GRM3: variants seen among roughly 807,000 people sequenced by gnomAD.
GRM3 encodes the protein metabotropic glutamate receptor 3.
GRM3 carries 26 observed loss-of-function variants against 70.5 expected under a neutral mutation model. That is an observed-to-expected ratio of 0.37 (90% CI 0.27 to 0.51). The LOEUF (loss-of-function observed/expected upper bound fraction) is 0.51. Ranked by LOEUF, GRM3 falls within the 20% of genes least tolerant of loss-of-function variation. GRM3 has a pLI of 0.93. For missense variants in GRM3, 859 were observed against 1,123.8 expected (o/e 0.76, Z 3.37); for synonymous variants, 443 against 434.9 (o/e 1.02, Z -0.23).
chr7:86,843,608 T>G (rs534814952), intron 4 of GRM3, among the ~76,000 whole-genome samples: 1 of 152,324 alleles, frequency 6.6e-6, no homozygotes, highest in East Asian at 1.9e-4. Flanking sequence ...TCAGCCATGT[T>G]TGAGTGGAAA....
intron 3 of GRM3, among the ~76,000 whole-genome samples, chr7:86,823,442 T>G (rs115234118): frequency 5.7e-4 from 86 of 152,212 alleles, no homozygotes; most frequent in African/African-American, 2.0e-3. Context: ...ACTTGAAATT[T>G]GAATGCTGCC....
chr7:86,697,059 A>C (rs1562829282), intron 1 of GRM3, among the ~76,000 whole-genome samples: 2 of 152,164 alleles, frequency 1.3e-5, no homozygotes, highest in Non-Finnish European at 2.9e-5. Context: ...GAATGCTTTG[A>C]CTTATAGGTA....
At chr7:86,663,357 G>A (rs1046848846) in intron 1 of GRM3, among the ~76,000 whole-genome samples, 2 of 151,988 alleles carry the variant, frequency 1.3e-5, no homozygotes. Flanking sequence ...GAAAATTGAT[G>A]ATATCAGGCA....
intron 2 of GRM3, among the ~76,000 whole-genome samples, chr7:86,771,519 T>C (rs563690308): frequency 6.6e-6 from 1 of 152,190 alleles, no homozygotes; most frequent in East Asian, 1.9e-4. Flanking sequence ...TAAGCATGTA[T>C]ACAGTAGGCA....
chr7:86,854,786 T>C (rs1798816025), intron 5 of GRM3, among the ~76,000 whole-genome samples: 1 of 152,210 alleles, frequency 6.6e-6, no homozygotes, highest in Non-Finnish European at 1.5e-5. Context: ...CTTCATCCAC[T>C]GATATCAGTG....
At chr7:86,653,517 G>A (rs1212666391) in intron 1 of GRM3, among the ~76,000 whole-genome samples, 1 of 152,164 alleles carries the variant, frequency 6.6e-6, no homozygotes, top group East Asian at 1.9e-4. Flanking sequence ...TCTATAAGTT[G>A]TATGAATAGA....
intron 1 of GRM3, among the ~76,000 whole-genome samples, chr7:86,757,041 G>A (rs1006642405): frequency 6.6e-6 from 1 of 151,922 alleles, no homozygotes. Flanking sequence ...TATTTTTATA[G>A]TTTCCCTTCT....
intron 5 of GRM3, among the ~76,000 whole-genome samples, chr7:86,857,031 G>T (rs2115595759): frequency 6.6e-6 from 1 of 151,866 alleles, no homozygotes; most frequent in South Asian, 2.1e-4. Flanking sequence ...CTGCTATATT[G>T]TTCCTCTGGC....
chr7:86,677,467 T>C (rs904337729), intron 1 of GRM3, among the ~76,000 whole-genome samples: 5 of 152,038 alleles, frequency 3.3e-5, no homozygotes, highest in Non-Finnish European at 7.4e-5. Flanking sequence ...GTTGGCTTTC[T>C]GCTGAGGTCA....
At chr7:86,780,719 C>A (rs571207865) in intron 2 of GRM3, among the ~76,000 whole-genome samples, 2 of 152,098 alleles carry the variant, frequency 1.3e-5, no homozygotes, top group Non-Finnish European at 2.9e-5. Flanking sequence ...TCATTGCCCC[C>A]GTGGAAATTT....
intron 3 of GRM3, among the ~76,000 whole-genome samples, chr7:86,790,377 A>G (rs1159157792): frequency 2.0e-5 from 3 of 152,088 alleles, no homozygotes; most frequent in South Asian, 2.1e-4. Flanking sequence ...CATCTTCTCA[A>G]CTGCTACCAC....
At chr7:86,835,024 T>C (rs1168307990) in intron 3 of GRM3, among the ~76,000 whole-genome samples, 2 of 152,116 alleles carry the variant, frequency 1.3e-5, no homozygotes, top group Non-Finnish European at 1.5e-5. Flanking sequence ...ATGTTTCAAC[T>C]CCTGTGTTCA....
intron 1 of GRM3, among the ~76,000 whole-genome samples, chr7:86,706,523 G>A (rs1384572308): frequency 6.6e-6 from 1 of 152,000 alleles, no homozygotes. Flanking sequence ...AAGGCTTTGT[G>A]GTGGGCAGTA....
chr7:86,754,612 T>C (rs577727885), intron 1 of GRM3, among the ~76,000 whole-genome samples: 26 of 152,248 alleles, frequency 1.7e-4, no homozygotes, highest in Non-Finnish European at 3.2e-4. Context: ...AATAAAATAA[T>C]CTATGTAGAA....
At chr7:86,668,824 G>A (rs75508477) in intron 1 of GRM3, among the ~76,000 whole-genome samples, 4,942 of 152,138 alleles carry the variant, frequency 0.032, 262 homozygotes, top group African/African-American at 0.11. Flanking sequence ...ATCATCAGGT[G>A]GTGATTTTAG....
At chr7:86,851,507 G>A (rs1448878208) in intron 5 of GRM3, among the ~76,000 whole-genome samples, 2 of 152,130 alleles carry the variant, frequency 1.3e-5, no homozygotes, top group Non-Finnish European at 1.5e-5. Context: ...CATGAGAGGG[G>A]AAGGGAGGAC....
intron 3 of GRM3, among the ~76,000 whole-genome samples, chr7:86,798,609 C>G (rs1394584407): frequency 1.3e-5 from 2 of 152,192 alleles, no homozygotes; most frequent in African/African-American, 4.8e-5. Flanking sequence ...CTTGCCTTGT[C>G]TCAGATGAGA....
At position 86,715,870 on chromosome 7, in the gene GRM3, G is replaced by A. The variant is rs371670843; in HGVS notation, c.-140-49136G>A. ...CATTTAAACATAAAAGGCCTGGAAA[G>A]TAAGGGTGGGGTAGAGTATGACAAA... On this transcript the variant is annotated intron_variant, in intron 1 of 5. Transcript: ENST00000361669. 3.9e-5 allele frequency among the ~76,000 whole-genome samples: 6 copies of A among 152,006 alleles called. No homozygotes were observed. The East Asian group carries it at 7.7e-4, about 20-fold the overall frequency.
chr7:86,835,264 A>T (rs1384818496), intron 3 of GRM3, among the ~76,000 whole-genome samples: 3 of 152,132 alleles, frequency 2.0e-5, no homozygotes, highest in Non-Finnish European at 4.4e-5. Flanking sequence ...GGTGTACGAT[A>T]TTTTATTATT....
Sources: gnomAD v4.1 joint callset for allele counts (sites outside exome capture counted in the v4.1 genomes callset) on GRCh38, gnomAD v4.1.1 for gene constraint, MANE v1.5 for transcripts, NCBI Gene and HGNC (gene_info 2026-07-23, HGNC 2026-07-21) for gene names.